The following KCNB2 variants were observed in gnomAD, a reference collection of about 807,000 sequenced individuals.
The protein encoded by KCNB2 is delayed rectifier potassium channel protein.
In KCNB2, 15 loss-of-function variants were observed where a neutral mutation model predicts 61.5. That is an observed-to-expected ratio of 0.24 (90% CI 0.16 to 0.38). KCNB2 has a LOEUF of 0.38. KCNB2 is among the 10% of genes least tolerant of loss of function. The pLI, the probability that KCNB2 is intolerant of heterozygous loss-of-function variation, is 1.00. For synonymous variants in KCNB2, 457 were observed against 446.0 expected (o/e 1.02, Z -0.31); for missense variants, 828 against 1,125.2 (o/e 0.74, Z 3.78).
chr8:72,768,986 C>A (rs1332078266), intron 2 of KCNB2, among the ~76,000 whole-genome samples: 6 of 151,958 alleles, frequency 3.9e-5, no homozygotes, highest in African/African-American at 1.4e-4. Context: ...CATGGAGAAA[C>A]CCCGTCTCTA....
chr8:72,644,925 G>A (rs1019855053), intron 2 of KCNB2, among the ~76,000 whole-genome samples: 5 of 152,192 alleles, frequency 3.3e-5, no homozygotes, highest in Admixed American at 2.0e-4. Context: ...TGATAGGCAT[G>A]TTGGCTTTCC....
intron 1 of KCNB2, among the ~76,000 whole-genome samples, chr8:72,547,048 T>G (rs1271675294): frequency 2.6e-5 from 4 of 152,196 alleles, no homozygotes; most frequent in Non-Finnish European, 5.9e-5. Context: ...CTGAGAATCC[T>G]AGGGTCCTTA....
chr8:72,706,528 T>G (rs542204418), intron 2 of KCNB2, among the ~76,000 whole-genome samples: 14 of 152,338 alleles, frequency 9.2e-5, no homozygotes, highest in Non-Finnish European at 1.9e-4. Flanking sequence ...TACCAGTTAG[T>G]GTCATGGTGC....
In KCNB2 at chr8:72,632,161, A is replaced by G. The variant is rs566262995; in HGVS notation, c.579+63848A>G. Among the ~76,000 whole-genome samples, 219 of 152,250 alleles carry G rather than the reference A, an allele frequency of 1.4e-3. 1 individual carries two copies. The highest frequency in any genetic ancestry group is 6.8e-3 in the Middle Eastern group (2 of 294). On this transcript the variant is annotated intron_variant, in intron 2 of 2. Transcript: ENST00000523207. ...CTTGAGAAGCTAAGGTGGGAGGATCACATGAGCCCAAGAGGTTGAGGCTGC... is the reference window on the plus strand; with the variant it reads ...CTTGAGAAGCTAAGGTGGGAGGATCGCATGAGCCCAAGAGGTTGAGGCTGC...
At chr8:72,841,361 C>CTTTTTTTTTTTTTTT (rs796222096) in intron 2 of KCNB2, among the ~76,000 whole-genome samples, 1 of 66,192 alleles carries the variant, frequency 1.5e-5, no homozygotes, top group Non-Finnish European at 3.2e-5. Context: ...GTTTTCTTTT[C>CTTTTTTTTTTTTTTT]TTTTTTTTTT....
intron 2 of KCNB2, among the ~76,000 whole-genome samples, chr8:72,823,984 A>G (rs756231678): frequency 6.6e-6 from 1 of 152,198 alleles, no homozygotes; most frequent in African/African-American, 2.4e-5. Flanking sequence ...GGTGGTTGAC[A>G]ATCACAATAA....
chr8:72,813,169 AGAATAC>A (rs1296653524), intron 2 of KCNB2, among the ~76,000 whole-genome samples: 1 of 152,180 alleles, frequency 6.6e-6, no homozygotes, highest in Admixed American at 6.5e-5. Flanking sequence ...AAGTGCTAGG[AGAATAC>A]GAAGAATGGT....
chr8:72,859,981 A>C (rs1378605838), intron 2 of KCNB2, among the ~76,000 whole-genome samples: 2 of 151,962 alleles, frequency 1.3e-5, no homozygotes, highest in Non-Finnish European at 2.9e-5. Context: ...GGCCTCCCAA[A>C]GTGCTAGGAT....
chr8:72,902,653 A>C (rs1479783495), intron 2 of KCNB2, among the ~76,000 whole-genome samples: 1 of 152,196 alleles, frequency 6.6e-6, no homozygotes. Context: ...TCATAAAATA[A>C]TCATTAAATG....
chr8:72,874,501 G>A (rs1805672515), intron 2 of KCNB2, among the ~76,000 whole-genome samples: 1 of 152,144 alleles, frequency 6.6e-6, no homozygotes, highest in African/African-American at 2.4e-5. Context: ...TGACAAGCAG[G>A]GCAAGCTTTG....
At chr8:72,558,668 C>G (rs565144169) in intron 1 of KCNB2, among the ~76,000 whole-genome samples, 8 of 152,266 alleles carry the variant, frequency 5.3e-5, no homozygotes, top group Non-Finnish European at 7.4e-5. Context: ...TTGCACGTCA[C>G]TTGGGGCACA....
At position 72,857,986 on chromosome 8, in the gene KCNB2, T is replaced by A. The variant is rs917311045; in HGVS notation, c.580-77949T>A. On this transcript the variant is annotated intron_variant, in intron 2 of 2. Coordinates refer to ENST00000523207, the MANE Select transcript of KCNB2 (RefSeq NM_004770.3). The stretch of plus-strand genomic sequence containing the variant: ...CCACTAGGCCAAGAAAAAAGGGAAT[T>A]TTACTTAGCTGATGTTTAAGAGTAA... Among the ~76,000 whole-genome samples, 4 of 152,254 alleles carry A rather than the reference T, an allele frequency of 2.6e-5. No individual in the cohort carries two copies. In the East Asian group the frequency reaches 5.8e-4, roughly 22 times the overall value.
intron 2 of KCNB2, among the ~76,000 whole-genome samples, chr8:72,753,484 G>T (rs1808235324): frequency 6.6e-6 from 1 of 152,184 alleles, no homozygotes; most frequent in Admixed American, 6.5e-5. Flanking sequence ...AAAAGTAGTT[G>T]CAGTTGGGTT....
chr8:72,627,422 T>C (rs1805807368), intron 2 of KCNB2, among the ~76,000 whole-genome samples: 1 of 152,200 alleles, frequency 6.6e-6, no homozygotes, highest in African/African-American at 2.4e-5. Flanking sequence ...AACCTAGAAA[T>C]GATAGAAAGT....
Position 72,567,656 on chromosome 8 carries a change from A to G in KCNB2, c.-79A>G. On this transcript the variant is annotated 5_prime_UTR_variant, in exon 2 of 3. The change abolishes an upstream ATG in the 5' untranslated region. Coordinates refer to ENST00000523207, the MANE Select transcript of KCNB2 (RefSeq NM_004770.3). ...CTTTCTTCCAGCTTTGTCAGTGGAA[A>G]TGCCTGCCCCAGAGGGATATTGCTT... The G allele has an allele frequency of 2.1e-6, 2 of 930,804 alleles. No individual in the cohort carries two copies. The highest frequency in any genetic ancestry group is 2.5e-5 in the East Asian group (1 of 40,602). 57.7% of individuals were successfully genotyped at this position (930,804 alleles called of 1,614,324 possible). A position where few individuals can be genotyped will look rare whatever the true frequency, so the allele number is the denominator to read the frequency against.
intron 2 of KCNB2, among the ~76,000 whole-genome samples, chr8:72,572,668 AG>A (rs1806730113): frequency 6.6e-6 from 1 of 152,102 alleles, no homozygotes; most frequent in Non-Finnish European, 1.5e-5. Flanking sequence ...GCTTAAGAAA[AG>A]GGGGGAATGA....
At chr8:72,586,384 T>C (rs117607689) in intron 2 of KCNB2, among the ~76,000 whole-genome samples, 1 of 152,214 alleles carries the variant, frequency 6.6e-6, no homozygotes, top group African/African-American at 2.4e-5. Flanking sequence ...ATTGGATTAG[T>C]TCACCAAAAA....
intron 2 of KCNB2, among the ~76,000 whole-genome samples, chr8:72,843,513 T>C (rs1809932026): frequency 6.6e-6 from 1 of 152,096 alleles, no homozygotes; most frequent in African/African-American, 2.4e-5. Context: ...GTCTCATTGA[T>C]CTGTCTAATG....
chr8:72,640,400 T>G (rs1806035694), intron 2 of KCNB2, among the ~76,000 whole-genome samples: 1 of 152,038 alleles, frequency 6.6e-6, no homozygotes, highest in South Asian at 2.1e-4. Flanking sequence ...TTTTCTTTAT[T>G]ATGGTCATCA....
Sources: allele counts gnomAD v4.1 joint callset (sites outside exome capture counted in the v4.1 genomes callset), GRCh38; gene constraint gnomAD v4.1.1; transcripts MANE v1.5; gene names NCBI Gene and HGNC (gene_info 2026-07-23, HGNC 2026-07-21).